The following PBX1 variants were observed in gnomAD, a reference collection of about 807,000 sequenced individuals.
The protein encoded by PBX1 is pre-B-cell leukemia transcription factor 1.
A neutral mutation model predicts 53.4 loss-of-function variants in PBX1; 6 were observed. That is an observed-to-expected ratio of 0.11 (90% CI 0.06 to 0.22). PBX1 has a LOEUF of 0.22. Ranked by LOEUF, PBX1 falls within the 10% of genes least tolerant of loss-of-function variation. The pLI is 1.00. For missense variants in PBX1, 251 were observed against 551.4 expected (o/e 0.46, Z 5.46); for synonymous variants, 204 against 212.3 (o/e 0.96, Z 0.34).
chr1:164,822,875 G>C (rs898991044), intron 8 of PBX1, among the ~76,000 whole-genome samples: 5 of 152,220 alleles, frequency 3.3e-5, no homozygotes, highest in African/African-American at 1.2e-4. Flanking sequence ...GTCCTCCAAA[G>C]AAGGGGTTGG....
chr1:164,689,672 A>G (rs1662346535), intron 2 of PBX1, among the ~76,000 whole-genome samples: 1 of 152,228 alleles, frequency 6.6e-6, no homozygotes, highest in Non-Finnish European at 1.5e-5. Context: ...TTCTGCCAAT[A>G]AATCCATTAC....
chr1:164,817,730 T>C (rs1400475051), intron 6 of PBX1: 1 of 152,278 alleles, frequency 6.6e-6, no homozygotes, highest in African/African-American at 2.4e-5. Context: ...AATGACACAT[T>C]CCATGCCTTC....
chr1:164,783,673 T>C (rs758277217), intron 2 of PBX1, among the ~76,000 whole-genome samples: 3 of 152,114 alleles, frequency 2.0e-5, no homozygotes, highest in Non-Finnish European at 4.4e-5. Context: ...AGTCGTGTAG[T>C]AGGAGTCTTG....
At chr1:164,750,142 G>GT (rs1666119432) in intron 2 of PBX1, among the ~76,000 whole-genome samples, 1 of 127,290 alleles carries the variant, frequency 7.9e-6, no homozygotes, top group Non-Finnish European at 1.7e-5. Context: ...CTGGGGGCTA[G>GT]TTGGTGTGTG....
intron 2 of PBX1, among the ~76,000 whole-genome samples, chr1:164,736,442 A>G (rs1194603556): frequency 6.6e-6 from 1 of 151,952 alleles, no homozygotes. Context: ...TCATTTTTTT[A>G]ATTGACACCT....
At chr1:164,657,150 G>A (rs1660216612) in intron 2 of PBX1, 1 of 152,214 alleles carries the variant, frequency 6.6e-6, no homozygotes, top group South Asian at 2.1e-4. Flanking sequence ...ATGATAAAAT[G>A]TCATTGGCTC....
chr1:164,682,194 A>G (rs1345453743), intron 2 of PBX1: 2 of 152,242 alleles, frequency 1.3e-5, no homozygotes, highest in Non-Finnish European at 2.9e-5. Flanking sequence ...TTGGAATATA[A>G]TAATCCTACT....
intron 2 of PBX1, among the ~76,000 whole-genome samples, chr1:164,740,764 T>C (rs994085555): frequency 6.6e-6 from 1 of 152,178 alleles, no homozygotes; most frequent in Admixed American, 6.5e-5. Context: ...AGAAGACAGA[T>C]ATATAACACT....
At position 164,821,676 on chromosome 1, in the gene PBX1, A is replaced by G. The variant is rs753282008; in HGVS notation, c.1200+50A>G. 7.1e-6 allele frequency: 10 copies of G among 1,409,512 alleles called. No homozygotes were observed. The East Asian group carries it at 1.8e-4, about 26-fold the overall frequency. 87.3% of individuals were successfully genotyped at this position (1,409,512 alleles called of 1,614,324 possible). On this transcript the variant is annotated intron_variant, in intron 8 of 8. Transcript: ENST00000420696. ...CCTGCTTTGTTTTTATTCTTTCACT[A>G]CCAATTATTTCAAAGCCATAGGGCC... is the stretch of plus-strand genomic sequence containing the variant.
rs529593771 is a variant in PBX1, at chr1:164,681,077, C to T, written c.266-111417C>T. On this transcript the variant is annotated intron_variant, in intron 2 of 8. Coordinates refer to ENST00000420696, the MANE Select transcript of PBX1 (RefSeq NM_002585.4). ...CCAGGAGTTCGAGACCAGCCTGACT[C>T]TACTAAGAATTTAAAAATTAACCTG... 1.5e-3 allele frequency among the ~76,000 whole-genome samples: 207 copies of T among 141,906 alleles called. 1 individual carries two copies. The highest frequency in any genetic ancestry group is 7.7e-3 in the South Asian group (32 of 4,146). The allele number at this position is 141,906 out of a possible 152,430, so 93.1% of individuals were successfully genotyped here.
chr1:164,774,482 C>A (rs1424155578), intron 2 of PBX1: 2 of 152,140 alleles, frequency 1.3e-5, no homozygotes, highest in Admixed American at 6.5e-5. Flanking sequence ...CAGCTGGGAC[C>A]CTGTAGGCCC....
Position 164,847,691 on chromosome 1 carries a change from T to A in PBX1, c.*1015T>A, listed in dbSNP as rs899734511. ...CACTTTCCCGAGATGCCATATACAA[T>A]TACCTACATTAATAACTGTAGCACT... On this transcript the variant is annotated 3_prime_UTR_variant, in exon 9 of 9. Transcript: ENST00000420696. 2 of 1,056,244 alleles carry A rather than the reference T, an allele frequency of 1.9e-6. No individual in the cohort carries two copies. The highest frequency in any genetic ancestry group is 2.3e-6 in the Non-Finnish European group (2 of 873,720). 65.4% of individuals were successfully genotyped at this position (1,056,244 alleles called of 1,614,324 possible).
At chr1:164,592,796 C>G (rs1406148877) in intron 2 of PBX1, among the ~76,000 whole-genome samples, 1 of 152,172 alleles carries the variant, frequency 6.6e-6, no homozygotes, top group Non-Finnish European at 1.5e-5. Flanking sequence ...CCTGGACACA[C>G]CAGGCTCCCA....
intron 2 of PBX1, among the ~76,000 whole-genome samples, chr1:164,564,307 A>G (rs1468768314): frequency 2.6e-5 from 4 of 152,132 alleles, no homozygotes; most frequent in Admixed American, 2.6e-4. Context: ...TCAATAATTC[A>G]TATCTAAACC....
At chr1:164,740,910 T>G (rs1665567811) in intron 2 of PBX1, among the ~76,000 whole-genome samples, 1 of 152,206 alleles carries the variant, frequency 6.6e-6, no homozygotes, top group African/African-American at 2.4e-5. Context: ...GATGTGGAAT[T>G]AAGATTTGGA....
chr1:164,596,770 T>A (rs1238047273), intron 2 of PBX1, among the ~76,000 whole-genome samples: 2 of 152,202 alleles, frequency 1.3e-5, no homozygotes, highest in Non-Finnish European at 2.9e-5. Flanking sequence ...TATTAAGAAT[T>A]AAGGTGTTAT....
At chr1:164,823,922 A>G (rs936970171) in intron 8 of PBX1, among the ~76,000 whole-genome samples, 2 of 152,110 alleles carry the variant, frequency 1.3e-5, no homozygotes, top group African/African-American at 4.8e-5. Context: ...AGCTTGTTAT[A>G]GTGAGATGTA....
intron 2 of PBX1, among the ~76,000 whole-genome samples, chr1:164,778,609 C>T (rs934579278): frequency 7.3e-5 from 11 of 149,730 alleles, no homozygotes; most frequent in African/African-American, 2.7e-4. Flanking sequence ...TGCACTCCAG[C>T]CTGGACAACA....
intron 4 of PBX1, among the ~76,000 whole-genome samples, chr1:164,806,121 A>C (rs1420379336): frequency 6.6e-6 from 1 of 152,212 alleles, no homozygotes; most frequent in African/African-American, 2.4e-5. Flanking sequence ...AAAAGTGCTA[A>C]GTGAGCTAAT....
Sources: allele counts gnomAD v4.1 joint callset (sites outside exome capture counted in the v4.1 genomes callset), GRCh38; gene constraint gnomAD v4.1.1; transcripts MANE v1.5; gene names NCBI Gene and HGNC (gene_info 2026-07-23, HGNC 2026-07-21).